MCTP1: variants seen among roughly 807,000 people sequenced by gnomAD.
MCTP1 encodes multiple C2 and transmembrane domain containing 1, also known as multiple C2 and transmembrane domain-containing protein 1.
MCTP1 carries 69 observed loss-of-function variants against 120.6 expected under a neutral mutation model. The observed-to-expected ratio is 0.57, with a 90% confidence interval of 0.47 to 0.70. MCTP1 has a LOEUF of 0.70. Among genes scored for constraint, MCTP1 ranks in the 30% least tolerant of loss-of-function variants. MCTP1 has a pLI of 0.00. For synonymous variants in MCTP1, 529 were observed against 493.1 expected (o/e 1.07, Z -0.96); for missense variants, 1,203 against 1,248.8 (o/e 0.96, Z 0.55).
chr5:95,212,821 T>G (rs1250895393), intron 1 of MCTP1, among the ~76,000 whole-genome samples: 4 of 152,186 alleles, frequency 2.6e-5, no homozygotes, highest in Non-Finnish European at 5.9e-5. Flanking sequence ...CAACCCTTCA[T>G]GTTAAAAACT....
chr5:95,171,606 A>C (rs1747300856), intron 1 of MCTP1, among the ~76,000 whole-genome samples: 2 of 151,974 alleles, frequency 1.3e-5, no homozygotes, highest in Admixed American at 1.3e-4. Context: ...GGCTTTGTTC[A>C]TTTCTTTTTA....
chr5:95,204,408 C>A (rs538851570), intron 1 of MCTP1, among the ~76,000 whole-genome samples: 2 of 152,158 alleles, frequency 1.3e-5, no homozygotes, highest in African/African-American at 4.8e-5. Flanking sequence ...TCATAGCTAC[C>A]CAGCATCATA....
chr5:95,014,322 A>G (rs1581844873), intron 2 of MCTP1, among the ~76,000 whole-genome samples: 1 of 152,118 alleles, frequency 6.6e-6, no homozygotes, highest in South Asian at 2.1e-4. Flanking sequence ...CAACATTAAC[A>G]TGGGTTTGGA....
intron 19 of MCTP1, among the ~76,000 whole-genome samples, chr5:94,721,971 AT>A (rs559226058): frequency 1.1e-3 from 169 of 151,968 alleles, no homozygotes; most frequent in African/African-American, 3.9e-3. Flanking sequence ...ATTTCTAATG[AT>A]TCTATACAAT....
intron 17 of MCTP1, among the ~76,000 whole-genome samples, chr5:94,817,444 A>G (rs1156953464): frequency 6.8e-6 from 1 of 146,460 alleles, no homozygotes. Flanking sequence ...ACAAACAAAC[A>G]AACTGGTTTA....
At chr5:95,132,875 T>C (rs1453982340) in intron 1 of MCTP1, among the ~76,000 whole-genome samples, 1 of 152,232 alleles carries the variant, frequency 6.6e-6, no homozygotes, top group Non-Finnish European at 1.5e-5. Flanking sequence ...GCAGGGATCA[T>C]GGATGTTTTG....
intron 1 of MCTP1, among the ~76,000 whole-genome samples, chr5:95,172,320 G>T (rs376689808): frequency 6.6e-6 from 1 of 152,176 alleles, no homozygotes; most frequent in Non-Finnish European, 1.5e-5. Flanking sequence ...TGCCCCTACT[G>T]GGGGATGCCT....
intron 1 of MCTP1, among the ~76,000 whole-genome samples, chr5:95,082,471 A>G (rs1285464665): frequency 6.6e-6 from 1 of 152,194 alleles, no homozygotes; most frequent in East Asian, 1.9e-4. Context: ...CATCAGCCTC[A>G]TCAAGGAAAA....
intron 20 of MCTP1, among the ~76,000 whole-genome samples, chr5:94,711,816 TA>T (rs1230477595): frequency 6.6e-6 from 1 of 151,944 alleles, no homozygotes; most frequent in African/African-American, 2.4e-5. Flanking sequence ...AACCATGATG[TA>T]AAAATGTTTT....
At chr5:95,074,889 G>A (rs968495858) in intron 1 of MCTP1, among the ~76,000 whole-genome samples, 3 of 152,198 alleles carry the variant, frequency 2.0e-5, no homozygotes, top group Non-Finnish European at 4.4e-5. Flanking sequence ...TTCAGATAGG[G>A]ATGATCCTGT....
intron 1 of MCTP1, among the ~76,000 whole-genome samples, chr5:95,177,682 A>C (rs529421349): frequency 5.9e-5 from 9 of 152,232 alleles, no homozygotes; most frequent in Non-Finnish European, 1.3e-4. Context: ...CGTTATTTGC[A>C]TAGTGATTTG....
chr5:95,008,454 G>T (rs11957712), intron 2 of MCTP1, among the ~76,000 whole-genome samples: 50,963 of 151,956 alleles, frequency 0.34, 9,167 homozygotes, highest in East Asian at 0.75. Flanking sequence ...CATGTATTGA[G>T]TTCATCACAG....
At chr5:94,771,751 T>C (rs1774130376) in intron 19 of MCTP1, among the ~76,000 whole-genome samples, 1 of 152,222 alleles carries the variant, frequency 6.6e-6, no homozygotes, top group Admixed American at 6.5e-5. Context: ...GTATAGGAAA[T>C]GCAGTTGGAA....
At chr5:95,260,557 C>T (rs929588129) in intron 1 of MCTP1, among the ~76,000 whole-genome samples, 1 of 151,872 alleles carries the variant, frequency 6.6e-6, no homozygotes, top group African/African-American at 2.4e-5. Flanking sequence ...ATGGTGAATC[C>T]TCCATAGTCT....
chr5:94,965,358 T>C (rs1216599317), intron 2 of MCTP1, among the ~76,000 whole-genome samples: 1 of 152,098 alleles, frequency 6.6e-6, no homozygotes, highest in Non-Finnish European at 1.5e-5. Context: ...ACAGAGGAGA[T>C]CTCTCTAGTC....
Position 95,284,161 on chromosome 5 carries a change from C to A in MCTP1, c.415G>T (p.Ala139Ser). 1 of 1,565,858 alleles carries A rather than the reference C, an allele frequency of 6.4e-7. No homozygotes were observed. The highest frequency in any genetic ancestry group is 8.6e-7 in the Non-Finnish European group (1 of 1,156,326). The change falls in exon 1 of 23, where the codon GCC becomes TCC. Residue 139 changes from alanine to serine, a missense_variant. By Grantham distance (99) the Ala-to-Ser change is moderately conservative (BLOSUM62 1). This residue lies in a region of MCTP1 where 463 missense variants were observed against 377.8 expected (regional missense o/e 1.23). Coordinates refer to ENST00000515393, the MANE Select transcript of MCTP1 (RefSeq NM_024717.7). The surrounding 1 kb of genome is among the most constrained non-coding windows in gnomAD (Gnocchi z 5.2). ...GGCGTCCCTCCCGCTGCTCCCGAGG[C>A]CGCCGCGGGCCCCTTTACGGCGGGG... The part of the protein sequence containing the change: ...LLPAVKGPAA[A>S]SGAAGGTPPG...
chr5:95,072,159 G>T (rs1752353558), intron 1 of MCTP1, among the ~76,000 whole-genome samples: 1 of 150,066 alleles, frequency 6.7e-6, no homozygotes, highest in Non-Finnish European at 1.5e-5. Context: ...ATTTGGCTTT[G>T]GTTCTGGAAG....
chr5:95,046,656 G>A (rs1223806900), intron 1 of MCTP1, among the ~76,000 whole-genome samples: 2 of 152,110 alleles, frequency 1.3e-5, no homozygotes, highest in Non-Finnish European at 2.9e-5. Context: ...AGAGTCACTA[G>A]GAGAAGACTT....
At chr5:94,883,029 G>T (rs1800463719) in intron 12 of MCTP1, among the ~76,000 whole-genome samples, 1 of 152,048 alleles carries the variant, frequency 6.6e-6, no homozygotes, top group African/African-American at 2.4e-5. Context: ...TTAGAATTTG[G>T]CTAGGTTTTA....
Sources: allele counts gnomAD v4.1 joint callset (sites outside exome capture counted in the v4.1 genomes callset), GRCh38; gene constraint gnomAD v4.1.1; regional missense constraint gnomAD v4.1.1; non-coding constraint Gnocchi (gnomAD v3.1); transcripts MANE v1.5; gene names NCBI Gene and HGNC (gene_info 2026-07-23, HGNC 2026-07-21).